Variants in FRMPD2 observed in about 807,000 individuals in gnomAD.
FRMPD2 encodes FERM and PDZ domain containing 2.
A neutral mutation model predicts 140.1 loss-of-function variants in FRMPD2; 96 were observed. That is an observed-to-expected ratio of 0.69 (90% CI 0.58 to 0.81). The LOEUF (loss-of-function observed/expected upper bound fraction) is 0.81. FRMPD2 is among the 40% of genes least tolerant of loss of function. FRMPD2 has a pLI of 0.00. For missense variants in FRMPD2, 1,240 were observed against 1,447.4 expected, an observed-to-expected ratio of 0.86 and a Z score of 2.32; for synonymous variants, 449 against 547.6, an observed-to-expected ratio of 0.82 and a Z score of 2.52.
At chr10:48,180,180 C>T (rs1838507551) in intron 21 of FRMPD2, among the ~76,000 whole-genome samples, 1 of 152,170 alleles carries the variant, frequency 6.6e-6, no homozygotes, top group Admixed American at 6.5e-5. Context: ...TGGGCAGAAC[C>T]AAGCAGAACA....
intron 4 of FRMPD2, among the ~76,000 whole-genome samples, chr10:48,243,545 G>A (rs1043148521): frequency 2.0e-4 from 31 of 152,316 alleles, no homozygotes; most frequent in African/African-American, 6.5e-4. Flanking sequence ...CTATGACACA[G>A]GGTCACACAC....
rs1303149343 is a variant in FRMPD2, at chr10:48,223,190, T to C, written c.1249A>G (p.Thr417Ala). The change falls in exon 11 of 29, where the codon ACC becomes GCC. Residue 417 changes from threonine to alanine, a missense_variant. Transcript: ENST00000374201. Reference protein sequence around the residue: ...PEGWREQPQKTSMNTFTLFLR... With the variant: ...PEGWREQPQKASMNTFTLFLR... ...AAGAGTGTGAAGGTATTCATGGAGGTCTTCTGAGGCTGCTCTCTCCAGCCT... is the reference window on the plus strand; with the variant it reads ...AAGAGTGTGAAGGTATTCATGGAGGCCTTCTGAGGCTGCTCTCTCCAGCCT... 6.2e-7 allele frequency: 1 copy of C among 1,613,930 alleles called. No homozygotes were observed. Among genetic ancestry groups the C allele is most frequent in the East Asian group, 2.2e-5 (1 of 44,880 alleles).
chr10:48,266,284 T>A (rs1161304777), intron 1 of FRMPD2, among the ~76,000 whole-genome samples: 1 of 152,112 alleles, frequency 6.6e-6, no homozygotes. Context: ...TAGTACCAGG[T>A]TTATAATATA....
At chr10:48,237,416 C>T (rs1052909654) in intron 8 of FRMPD2, among the ~76,000 whole-genome samples, 10 of 152,176 alleles carry the variant, frequency 6.6e-5, no homozygotes, top group Admixed American at 2.0e-4. Context: ...GAGGACAGTG[C>T]GGGCCAGGCC....
Position 48,274,599 on chromosome 10 carries a change from C to T in FRMPD2, c.-32G>A. ...GTCTCCGTGACCAGGTCTAGGCCTT[C>T]ATCATGGGACAACTTTCCAACAAGG... On this transcript the variant is annotated 5_prime_UTR_variant, in exon 1 of 29. An upstream start codon of the reference 5' UTR is lost. Transcript: ENST00000374201. 1 of 1,611,198 alleles carries T rather than the reference C, an allele frequency of 6.2e-7. No individual in the cohort carries two copies. The highest frequency in any genetic ancestry group is 1.1e-5 in the South Asian group (1 of 90,828).
At chr10:48,273,066 A>T (rs1588865729) in intron 1 of FRMPD2, among the ~76,000 whole-genome samples, 1 of 152,252 alleles carries the variant, frequency 6.6e-6, no homozygotes, top group Admixed American at 6.5e-5. Flanking sequence ...TTACTTGTAA[A>T]TTGTGCAATA....
chr10:48,204,893 A>C (rs928531594), intron 14 of FRMPD2, among the ~76,000 whole-genome samples: 2 of 152,222 alleles, frequency 1.3e-5, no homozygotes, highest in East Asian at 1.9e-4. Context: ...TTGAACAATC[A>C]AACCACACAT....
intron 9 of FRMPD2, among the ~76,000 whole-genome samples, chr10:48,233,607 G>A (rs1839903075): frequency 6.6e-6 from 1 of 152,084 alleles, no homozygotes; most frequent in East Asian, 1.9e-4. Flanking sequence ...CTGCCCTCTG[G>A]ACACTCTTAA....
intron 14 of FRMPD2, 176 bp from the exon 15 acceptor site, chr10:48,201,560 C>G: frequency 3.8e-6 from 2 of 525,190 alleles, no homozygotes; most frequent in South Asian, 2.8e-5. Flanking sequence ...AAGAAAATCC[C>G]TCTTTTTAGT....
At chr10:48,273,822 GCAAATCACAGGA>G (rs1417439656) in intron 1 of FRMPD2, among the ~76,000 whole-genome samples, 439 of 151,800 alleles carry the variant, frequency 2.9e-3, no homozygotes, top group African/African-American at 0.01. Flanking sequence ...ACAGCCTATA[GCAAATCACAGGA>G]TTTAGCCAGG....
intron 15 of FRMPD2, among the ~76,000 whole-genome samples, chr10:48,193,470 C>G (rs1250639365): frequency 6.6e-6 from 1 of 152,188 alleles, no homozygotes; most frequent in African/African-American, 2.4e-5. Flanking sequence ...TGCCTTTCTC[C>G]TTCCATGCAG....
At chr10:48,245,711 A>G (rs902689399) in intron 3 of FRMPD2, among the ~76,000 whole-genome samples, 1 of 152,130 alleles carries the variant, frequency 6.6e-6, no homozygotes, top group Non-Finnish European at 1.5e-5. Flanking sequence ...AATTGTCCCC[A>G]CTTGTCTACA....
At chr10:48,218,683 C>T (rs1030000027) in intron 12 of FRMPD2, among the ~76,000 whole-genome samples, 1 of 152,188 alleles carries the variant, frequency 6.6e-6, no homozygotes, top group Non-Finnish European at 1.5e-5. Flanking sequence ...GAGACTCTCT[C>T]TCTTGCACAG....
intron 8 of FRMPD2, 64 bp from the exon 9 acceptor site, chr10:48,236,617 C>A (rs1839973775): frequency 6.9e-7 from 1 of 1,448,846 alleles, no homozygotes; most frequent in Non-Finnish European, 9.7e-7. Flanking sequence ...GTCTGGGCTT[C>A]CCCCATGATG....
rs11815198 is a variant in FRMPD2, at chr10:48,186,602, G to A, written c.2266+590C>T. On this transcript the variant is annotated intron_variant, in intron 17 of 28. Coordinates refer to ENST00000374201, the MANE Select transcript of FRMPD2 (RefSeq NM_001018071.4). ...TAAGAAGTGCCTTTCACCTCCCACC[G>A]TGATTCTGAGGCCTCCCCAGCCATG... Among the ~76,000 whole-genome samples the A allele has an allele frequency of 4.4e-3, 677 of 152,218 alleles. 7 individuals carry two copies. Among genetic ancestry groups the A allele is most frequent in the Non-Finnish European group, 7.4e-3 (500 of 68,022 alleles).
intron 28 of FRMPD2, chr10:48,159,360 C>G (rs1427296765): frequency 4.7e-6 from 2 of 422,972 alleles, no homozygotes; most frequent in Non-Finnish European, 9.5e-6. Flanking sequence ...CCCTGGGTAT[C>G]TGGGGATACC....
At chr10:48,253,651 A>C (rs1840434018) in intron 1 of FRMPD2, among the ~76,000 whole-genome samples, 1 of 152,214 alleles carries the variant, frequency 6.6e-6, no homozygotes, top group Admixed American at 6.5e-5. Flanking sequence ...TCACATAAAC[A>C]AAAATTGTGC....
chr10:48,202,727 A>G (rs1037576383), intron 14 of FRMPD2, among the ~76,000 whole-genome samples: 2 of 152,244 alleles, frequency 1.3e-5, no homozygotes, highest in African/African-American at 4.8e-5. Flanking sequence ...TTGTCAGTAC[A>G]CACTGATAGG....
chr10:48,237,755 T>G (rs955496237), intron 8 of FRMPD2, among the ~76,000 whole-genome samples: 7 of 152,116 alleles, frequency 4.6e-5, no homozygotes, highest in Non-Finnish European at 8.8e-5. Flanking sequence ...ACCCAGCATC[T>G]TTAACCCTAC....
Sources: allele counts gnomAD v4.1 joint callset (sites outside exome capture counted in the v4.1 genomes callset), GRCh38; gene constraint gnomAD v4.1.1; transcripts MANE v1.5; gene names NCBI Gene and HGNC (gene_info 2026-07-23, HGNC 2026-07-21).